The following NCEH1 variants were observed in gnomAD, a reference collection of about 807,000 sequenced individuals.
NCEH1 encodes the protein neutral cholesterol ester hydrolase 1, also known as 2-acetyl MAGE hydrolase.
NCEH1 carries 9 observed loss-of-function variants against 25.4 expected under a neutral mutation model. That is an observed-to-expected ratio of 0.35 (90% CI 0.21 to 0.62). The LOEUF is 0.62. NCEH1 is among the 20% of genes least tolerant of loss of function. The probability of loss-of-function intolerance (pLI) is 0.72; values close to 1 mark genes in which losing one functional copy is unlikely to be tolerated. For synonymous variants in NCEH1, 200 were observed against 199.8 expected, an observed-to-expected ratio of 1.00 and a Z score of -0.01; for missense variants, 412 against 501.1, an observed-to-expected ratio of 0.82 and a Z score of 1.70.
At chr3:172,706,164 C>T (rs573894121) in intron 1 of NCEH1, among the ~76,000 whole-genome samples, 12 of 152,020 alleles carry the variant, frequency 7.9e-5, no homozygotes, top group Non-Finnish European at 1.5e-4. Context: ...AGCTACCATG[C>T]CTGGATTAAA....
chr3:172,670,416 C>A (rs1207361397), intron 1 of NCEH1, among the ~76,000 whole-genome samples: 25 of 152,146 alleles, frequency 1.6e-4, no homozygotes, highest in Admixed American at 3.3e-4. Flanking sequence ...AGAAATATCA[C>A]AGAACCATTG....
rs1713660626 is a variant in NCEH1 at position 172,701,282 on chromosome 3, A to T, written c.138+9565T>A. 2.0e-5 allele frequency among the ~76,000 whole-genome samples: 3 copies of T among 151,904 alleles called. No homozygotes were observed. The South Asian group carries it at 6.2e-4, about 32-fold the overall frequency. On this transcript the variant is annotated intron_variant, in intron 1 of 4. Transcript: ENST00000475381. ...CAAATCAGGGTCATGGTCCCCATTC[A>T]CCCAGCTATTCCAGAATCTGTCCCA...
At chr3:172,663,588 G>T (rs1718066685) in intron 1 of NCEH1, among the ~76,000 whole-genome samples, 1 of 152,118 alleles carries the variant, frequency 6.6e-6, no homozygotes, top group Non-Finnish European at 1.5e-5. Flanking sequence ...ATTATTGTTT[G>T]GGAGTCTAAG....
intron 1 of NCEH1, among the ~76,000 whole-genome samples, chr3:172,671,042 C>G (rs373828636): frequency 1.3e-5 from 2 of 151,930 alleles, no homozygotes; most frequent in East Asian, 3.9e-4. Context: ...TTCTTTTATC[C>G]TTTGTAGTAA....
intron 3 of NCEH1, among the ~76,000 whole-genome samples, chr3:172,637,717 C>G (rs987828167): frequency 6.6e-6 from 1 of 152,110 alleles, no homozygotes; most frequent in Admixed American, 6.5e-5. Context: ...GGTGAAAACC[C>G]GTTTCTACTA....
At chr3:172,680,840 T>A (rs1386669780) in intron 1 of NCEH1, 1 of 152,176 alleles carries the variant, frequency 6.6e-6, no homozygotes, top group Non-Finnish European at 1.5e-5. Context: ...CAGAGTGCCC[T>A]AGGCTGCGCA....
intron 1 of NCEH1, among the ~76,000 whole-genome samples, chr3:172,696,182 T>G (rs573487833): frequency 3.9e-5 from 6 of 152,188 alleles, no homozygotes; most frequent in Non-Finnish European, 7.4e-5. Context: ...ATTATCTTCA[T>G]GTTCACAGAT....
At chr3:172,676,077 G>A (rs1221872137) in intron 1 of NCEH1, among the ~76,000 whole-genome samples, 1 of 152,190 alleles carries the variant, frequency 6.6e-6, no homozygotes, top group African/African-American at 2.4e-5. Context: ...TCAGCAGGAA[G>A]TGGCCACAAA....
At chr3:172,675,838 CTAAG>C (rs1280449551) in intron 1 of NCEH1, among the ~76,000 whole-genome samples, 1 of 152,138 alleles carries the variant, frequency 6.6e-6, no homozygotes, top group Non-Finnish European at 1.5e-5. Flanking sequence ...GTACCAAACT[CTAAG>C]TCAGTTATGG....
Position 172,634,108 on chromosome 3 carries a change from C to A in NCEH1, c.610-16G>T, listed in dbSNP as rs1272812559. 3 of 1,603,074 alleles carry A rather than the reference C, an allele frequency of 1.9e-6. No individual in the cohort carries two copies. Among genetic ancestry groups the A allele is most frequent in the Non-Finnish European group, 2.6e-6 (3 of 1,175,228 alleles). On this transcript the variant is annotated splice_polypyrimidine_tract_variant and intron_variant, in intron 4 of 4. Transcript: ENST00000475381. ...CTTGAGTAAACTAGAGAAGAGGAAG[C>A]AAATACATTATTTCATTTTGCATGC...
chr3:172,672,143 T>C (rs1275154113), intron 1 of NCEH1, among the ~76,000 whole-genome samples: 1 of 152,256 alleles, frequency 6.6e-6, no homozygotes, highest in Non-Finnish European at 1.5e-5. Flanking sequence ...TGTTTAGATA[T>C]ACAAATACTT....
intron 1 of NCEH1, among the ~76,000 whole-genome samples, chr3:172,696,222 G>A (rs1438311793): frequency 6.6e-6 from 1 of 152,056 alleles, no homozygotes; most frequent in Non-Finnish European, 1.5e-5. Context: ...TAAATAACTT[G>A]CCCAACTAGT....
At chr3:172,667,039 A>T (rs1385200765) in intron 1 of NCEH1, among the ~76,000 whole-genome samples, 1 of 152,198 alleles carries the variant, frequency 6.6e-6, no homozygotes, top group Non-Finnish European at 1.5e-5. Context: ...TCCTCTTCAT[A>T]GGACATATTG....
chr3:172,644,180 T>TTGAGTGACTCTA (rs1421761934), intron 3 of NCEH1, among the ~76,000 whole-genome samples: 12 of 146,886 alleles, frequency 8.2e-5, no homozygotes, highest in East Asian at 6.0e-4. Flanking sequence ...TCTAGGGCTT[T>TTGAGTGACTCTA]GGGGTGACTC....
At chr3:172,650,811 CGAAAAAA>C (rs762488918) in intron 1 of NCEH1, among the ~76,000 whole-genome samples, 11,737 of 89,618 alleles carry the variant, frequency 0.13, 537 homozygotes, top group East Asian at 0.31. Context: ...GACTCTGCCT[CGAAAAAA>C]AAAAAAAAAA....
intron 1 of NCEH1, among the ~76,000 whole-genome samples, chr3:172,658,075 A>G (rs553887235): frequency 2.6e-5 from 4 of 152,290 alleles, no homozygotes; most frequent in African/African-American, 9.6e-5. Flanking sequence ...AGCACAAAAC[A>G]CAGGTCATAG....
chr3:172,671,972 T>C (rs1711661998), intron 1 of NCEH1, among the ~76,000 whole-genome samples: 2 of 152,230 alleles, frequency 1.3e-5, no homozygotes, highest in Admixed American at 1.3e-4. Context: ...TTATAAGGCC[T>C]ACAGTAATGC....
At chr3:172,700,273 C>A (rs1713607545) in intron 1 of NCEH1, among the ~76,000 whole-genome samples, 1 of 152,082 alleles carries the variant, frequency 6.6e-6, no homozygotes, top group South Asian at 2.1e-4. Flanking sequence ...CCCAAAATTG[C>A]TTCCAGAATC....
At position 172,633,670 on chromosome 3, in the gene NCEH1, C is replaced by T. The variant is rs148497204; in HGVS notation, c.1032G>A (p.Thr344=). The change falls in exon 5 of 5, where the codon ACG becomes ACA. Residue 344 remains threonine, a synonymous_variant. Transcript: ENST00000475381. Reference sequence around the variant, plus strand: ...CGTCTCTGAGGACATCATGCTCACACGTCAGAATGTAGGTCTTTGGGAGGA... The same window carrying T: ...CGTCTCTGAGGACATCATGCTCACATGTCAGAATGTAGGTCTTTGGGAGGA... ...LQLLPKTYIL[T]CEHDVLRDDG... 1.4e-4 allele frequency: 218 copies of T among 1,614,178 alleles called. No homozygotes were observed. The African/African-American group carries it at 2.4e-3, about 18-fold the overall frequency.
Sources: gnomAD v4.1 joint callset for allele counts (sites outside exome capture counted in the v4.1 genomes callset) on GRCh38, gnomAD v4.1.1 for gene constraint, MANE v1.5 for transcripts, NCBI Gene and HGNC (gene_info 2026-07-23, HGNC 2026-07-21) for gene names.